The following MYO15A variants were observed in gnomAD, a reference collection of about 807,000 sequenced individuals.
MYO15A encodes myosin XVA, also known as unconventional myosin-XV.
A neutral mutation model predicts 394.6 loss-of-function variants in MYO15A; 308 were observed. That is an observed-to-expected ratio of 0.78 (90% CI 0.71 to 0.86). The LOEUF is 0.86. Ranked by LOEUF, MYO15A falls within the 40% of genes least tolerant of loss-of-function variation. The pLI, the probability that MYO15A is intolerant of heterozygous loss-of-function variation, is 0.00. For synonymous variants in MYO15A, 1,957 were observed against 2,003.8 expected, an observed-to-expected ratio of 0.98 and a Z score of 0.62; for missense variants, 4,606 against 4,799.1, an observed-to-expected ratio of 0.96 and a Z score of 1.19.
intron 18 of MYO15A, 54 bp from the exon 19 acceptor site, chr17:18,139,480 G>A: frequency 1.3e-6 from 2 of 1,570,886 alleles, no homozygotes; most frequent in Non-Finnish European, 1.7e-6. Context: ...TCCCTCCTAG[G>A]ATAGACAGAG....
rs1252955381 is a variant in MYO15A at position 18,151,205 on chromosome 17, A to G, written c.7569A>G (p.Pro2523=). The G allele has an allele frequency of 1.9e-6, 3 of 1,614,136 alleles. No homozygotes were observed. The highest frequency in any genetic ancestry group is 2.5e-6 in the Non-Finnish European group (3 of 1,180,024). The change falls in exon 39 of 66, where the codon CCA becomes CCG. Residue 2523 remains proline, a synonymous_variant. Coordinates refer to ENST00000647165, the MANE Select transcript of MYO15A (RefSeq NM_016239.4). ...GTGCCACTCCAAAGCCCTTGGCCCC[A>G]GCCCCTCTGGCCAAGGCTCCAAGGC... ...LLRATPKPLA[P]APLAKAPRLP...
At position 18,151,279 on chromosome 17, in the gene MYO15A, C is replaced by T; in HGVS notation, c.7643C>T (p.Ser2548Phe). 6.2e-7 allele frequency: 1 copy of T among 1,614,202 alleles called. No homozygotes were observed. Among genetic ancestry groups the T allele is most frequent in the Non-Finnish European group, 8.5e-7 (1 of 1,180,036 alleles). ...AAPVLAQDQA[S>F]PETTSPSPEL... The stretch of plus-strand genomic sequence containing the variant: ...CCTGTTCTAGCTCAGGATCAGGCTT[C>T]TCCAGAAACCAGTGAGTGCCCTATC... Residue 2548 changes from serine to phenylalanine, a missense_variant, in exon 39 of 66, where the codon TCT (serine) becomes TTT (phenylalanine). By Grantham distance (155) the Ser-to-Phe change is radical (BLOSUM62 -2). Coordinates refer to ENST00000647165, the MANE Select transcript of MYO15A (RefSeq NM_016239.4).
intron 15 of MYO15A, among the ~76,000 whole-genome samples, chr17:18,137,364 C>A (rs2142322477): frequency 6.6e-6 from 1 of 152,332 alleles, no homozygotes; most frequent in South Asian, 2.1e-4. Flanking sequence ...CATTTGAACC[C>A]AGGCAGAAGG....
At position 18,145,963 on chromosome 17, in the gene MYO15A, A is replaced by G. The variant is rs779949933; in HGVS notation, c.6365A>G (p.Glu2122Gly). The G allele has an allele frequency of 3.7e-6, 6 of 1,613,616 alleles. No homozygotes were observed. Among genetic ancestry groups the G allele is most frequent in the African/African-American group, 1.3e-5 (1 of 74,898 alleles). Residue 2122 changes from glutamate to glycine, a missense_variant, in exon 30 of 66, where the codon GAG becomes GGG. Around this residue, in one of 2 missense-constraint regions of MYO15A, gnomAD observed 2,776 missense variants for 3,109.3 expected, o/e 0.89. Coordinates refer to ENST00000647165, the MANE Select transcript of MYO15A (RefSeq NM_016239.4). Reference sequence around the variant, plus strand: ...GTGCAGAAGGGGCTGGCGGTGCCTGAGCTGCGGGATGAGATCCTGGCACAG... The same window carrying G: ...GTGCAGAAGGGGCTGGCGGTGCCTGGGCTGCGGGATGAGATCCTGGCACAG... ...YIVQKGLAVP[E>G]LRDEILAQLA...
In MYO15A at chr17:18,122,186, G is replaced by C. The variant is rs1463824476; in HGVS notation, c.3386G>C (p.Arg1129Pro). The C allele has an allele frequency of 5.6e-6, 9 of 1,613,040 alleles. No homozygotes were observed. The highest frequency in any genetic ancestry group is 6.8e-6 in the Non-Finnish European group (8 of 1,180,030). ...PRVQKLSSFQ[R>P]VGPATLKPQV... ...GTGCAGAAGCTGAGCTCTTTCCAGC[G>C]AGTTGGGCCTGCAACCCTGAAGCCT... The change falls in exon 2 of 66, where the codon CGA becomes CCA. Residue 1129 changes from arginine (R) to proline (P), a missense_variant. Transcript: ENST00000647165.
chr17:18,163,212 C>T (rs763530657), intron 58 of MYO15A, 32 bp from the exon 59 acceptor site: 2 of 1,607,896 alleles, frequency 1.2e-6, no homozygotes, highest in Non-Finnish European at 1.7e-6. Context: ...TAGGACCCAA[C>T]CTGTCATCCC....
In MYO15A at chr17:18,119,294, C is replaced by G; in HGVS notation, c.494C>G (p.Ser165Cys). 1 of 1,611,516 alleles carries G rather than the reference C, an allele frequency of 6.2e-7. No homozygotes were observed. Among genetic ancestry groups the G allele is most frequent in the Non-Finnish European group, 8.5e-7 (1 of 1,179,752 alleles). ...TVDAWLQRSS[S>C]RMGSRKLPFP... ...GACGCCTGGCTGCAGCGCTCGAGCT[C>G]CCGCATGGGCTCCCGCAAACTCCCC... Residue 165 changes from serine to cysteine, a missense_variant, in exon 2 of 66, where the codon TCC becomes TGC. Around this residue, in one of 2 missense-constraint regions of MYO15A, gnomAD observed 1,830 missense variants for 1,689.7 expected, o/e 1.08. Coordinates refer to ENST00000647165, the MANE Select transcript of MYO15A (RefSeq NM_016239.4).
chr17:18,124,433 G>T, intron 2 of MYO15A, 50 bp from the exon 3 acceptor site: 1 of 1,583,726 alleles, frequency 6.3e-7, no homozygotes. Flanking sequence ...GGTCAGTGGG[G>T]GAGGGGGGTG....
chr17:18,172,622 T>G (rs1268969630), intron 64 of MYO15A: 1 of 383,884 alleles, frequency 2.6e-6, no homozygotes, highest in East Asian at 6.4e-5. Context: ...TTCTCACAAT[T>G]CTGGAGGCTG....
At chr17:18,125,039 C>T in intron 3 of MYO15A, 129 bp from the exon 4 acceptor site, 1 of 868,312 alleles carries the variant, frequency 1.2e-6, no homozygotes, top group East Asian at 2.4e-5. Context: ...GGTCTCCTAG[C>T]TGGTTGGTGT....
chr17:18,111,341 G>GAAAAAAAA (rs57095827), intron 1 of MYO15A, among the ~76,000 whole-genome samples: 1 of 118,950 alleles, frequency 8.4e-6, no homozygotes, highest in Non-Finnish European at 1.9e-5. Context: ...TCTCAAAAGA[G>GAAAAAAAA]AAAAAAAAAA....
At chr17:18,109,626 C>G (rs573217043) in intron 1 of MYO15A, 6 of 152,386 alleles carry the variant, frequency 3.9e-5, no homozygotes, top group African/African-American at 1.4e-4. Flanking sequence ...AAGCTCCAGG[C>G]TTGGGCCTCA....
intron 6 of MYO15A, 102 bp from the exon 7 acceptor site, chr17:18,126,973 G>T: frequency 6.3e-7 from 1 of 1,595,728 alleles, no homozygotes; most frequent in Non-Finnish European, 8.6e-7. Context: ...GTACCTCTGG[G>T]TTGGCCCACC....
At chr17:18,144,678 C>T in intron 29 of MYO15A, 86 bp downstream of exon 29, 1 of 1,329,260 alleles carries the variant, frequency 7.5e-7, no homozygotes, top group Non-Finnish European at 1.1e-6. Context: ...TCCCAGCCCT[C>T]CCCAAGCCCA....
intron 1 of MYO15A, among the ~76,000 whole-genome samples, chr17:18,115,132 C>G (rs1025969515): frequency 6.6e-6 from 1 of 152,186 alleles, no homozygotes; most frequent in Non-Finnish European, 1.5e-5. Flanking sequence ...ATTCCTGCAC[C>G]CTGCCTCATC....
chr17:18,111,359 A>C (rs976969839), intron 1 of MYO15A, among the ~76,000 whole-genome samples: 8 of 126,240 alleles, frequency 6.3e-5, no homozygotes, highest in African/African-American at 9.1e-5. Context: ...AAAAAAAAAA[A>C]AAAAAAACAA....
Position 18,148,644 on chromosome 17 carries a change from G to A in MYO15A, c.6764+76G>A, listed in dbSNP as rs2142362506. 1.9e-6 allele frequency: 3 copies of A among 1,543,580 alleles called. No homozygotes were observed. Among genetic ancestry groups the A allele is most frequent in the South Asian group, 2.4e-5 (2 of 83,902 alleles). ...GTGGGGGGAGGTCAGATCCCCCAGA[G>A]GGTCCCATAGGGTCCATTCTGTTCA... On this transcript the variant is annotated intron_variant, in intron 32 of 65. Coordinates refer to ENST00000647165, the MANE Select transcript of MYO15A (RefSeq NM_016239.4). The surrounding 1 kb of genome is among the most constrained non-coding windows in gnomAD (Gnocchi z 4.8).
chr17:18,152,304 T>C (rs948638924), intron 42 of MYO15A, 120 bp downstream of exon 42: 1 of 957,708 alleles, frequency 1.0e-6, no homozygotes, highest in Non-Finnish European at 1.6e-6. Flanking sequence ...GTGTACATCT[T>C]GTGAGCACAT....
Position 18,121,154 on chromosome 17 carries a change from G to A in MYO15A, c.2354G>A (p.Gly785Asp). The A allele has an allele frequency of 1.3e-6, 2 of 1,512,970 alleles. No individual in the cohort carries two copies. Among genetic ancestry groups the A allele is most frequent in the Admixed American group, 2.0e-5 (1 of 50,350 alleles). 93.7% of individuals were successfully genotyped at this position (1,512,970 alleles called of 1,614,324 possible). ...SPQPSLRSSP[G>D]LGYCSPLAPP... ...CAGCCCTCGCTGAGGAGCTCGCCGGGCCTCGGCTACTGCTCACCCTTGGCG... is the reference window on the plus strand; with the variant it reads ...CAGCCCTCGCTGAGGAGCTCGCCGGACCTCGGCTACTGCTCACCCTTGGCG... Residue 785 changes from glycine to aspartate, a missense_variant, in exon 2 of 66, where the codon GGC becomes GAC. Coordinates refer to ENST00000647165, the MANE Select transcript of MYO15A (RefSeq NM_016239.4). This position sits in a 1 kb window ranked among gnomAD's most constrained non-coding sequence, Gnocchi z 5.3.
Sources: gnomAD v4.1 joint callset for allele counts (sites outside exome capture counted in the v4.1 genomes callset) on GRCh38, gnomAD v4.1.1 for gene constraint, gnomAD v4.1.1 regional missense constraint, Gnocchi (gnomAD v3.1) non-coding constraint, MANE v1.5 for transcripts, NCBI Gene and HGNC (gene_info 2026-07-23, HGNC 2026-07-21) for gene names.